PNPLA7: variants seen among roughly 807,000 people sequenced by gnomAD.
The protein encoded by PNPLA7 is patatin-like phospholipase domain-containing protein 7.
In PNPLA7, 153 loss-of-function variants were observed where a neutral mutation model predicts 161.7. That is an observed-to-expected ratio of 0.95 (90% CI 0.83 to 1.08). The LOEUF is 1.08. Ranked by LOEUF, PNPLA7 falls within the 50% of genes least tolerant of loss-of-function variation. PNPLA7 has a pLI of 0.00. For missense variants in PNPLA7, 1,739 were observed against 1,856.6 expected (o/e 0.94, Z 1.16); for synonymous variants, 809 against 782.1 (o/e 1.03, Z -0.57).
intron 14 of PNPLA7, among the ~76,000 whole-genome samples, chr9:137,502,161 C>T (rs144743066): frequency 2.8e-4 from 43 of 152,236 alleles, no homozygotes; most frequent in Middle Eastern, 3.4e-3. Flanking sequence ...AGAGGTGACC[C>T]GGGAGTGCCC....
rs1833441163 is a variant in PNPLA7, at chr9:137,501,817, A to G, written c.1474-90T>C. 17 of 1,345,456 alleles carry G rather than the reference A, an allele frequency of 1.3e-5. No individual in the cohort carries two copies. The South Asian group carries it at 1.9e-4, about 15-fold the overall frequency. The allele number at this position is 1,345,456 out of a possible 1,614,324, so 83.3% of individuals were successfully genotyped here. A position where few individuals can be genotyped will look rare whatever the true frequency, so the allele number is the denominator to read the frequency against. ...GGCTGCACTGGGCTGTTCAGGGGCA[A>G]CGAGCGGTGAGGCCAGAGGCCGGGC... On this transcript the variant is annotated intron_variant, in intron 14 of 34. Transcript: ENST00000406427.
At position 137,486,230 on chromosome 9, in the gene PNPLA7, G is replaced by T. The variant is rs1185455734; in HGVS notation, c.2198-1494C>A. On this transcript the variant is annotated intron_variant, in intron 20 of 34. Transcript: ENST00000406427. The surrounding 1 kb of genome is among the most constrained non-coding windows in gnomAD (Gnocchi z 6.0). ...GAAGAGGCCAGGAGAGCAAGCCTGG[G>T]GACACAGAACCAAGTGAGGGCTTAA... Among the ~76,000 whole-genome samples the T allele has an allele frequency of 3.3e-5, 5 of 152,032 alleles. No homozygotes were observed. Among genetic ancestry groups the T allele is most frequent in the Non-Finnish European group, 7.4e-5 (5 of 68,022 alleles).
rs929135298 is a variant in PNPLA7, at chr9:137,524,544, C to A, written c.748-1687G>T. Among the ~76,000 whole-genome samples the A allele has an allele frequency of 1.3e-5, 2 of 152,242 alleles. No individual in the cohort carries two copies. The highest frequency in any genetic ancestry group is 1.3e-4 in the Admixed American group (2 of 15,288). ...ATAAATATGCATCTCCCAGTGTTTG[C>A]GTGGACACAGTTCTCATCCCTCTTG... On this transcript the variant is annotated intron_variant, in intron 8 of 34. Coordinates refer to ENST00000406427, the MANE Select transcript of PNPLA7 (RefSeq NM_001098537.3). The surrounding 1 kb of genome is among the most constrained non-coding windows in gnomAD (Gnocchi z 4.4).
chr9:137,522,113 C>T (rs923835952), intron 9 of PNPLA7, among the ~76,000 whole-genome samples: 18 of 152,250 alleles, frequency 1.2e-4, no homozygotes, highest in Middle Eastern at 3.4e-3. Flanking sequence ...CTCGCTATGC[C>T]GCCCAGGCTG....
chr9:137,507,299 G>T (rs967078822), intron 12 of PNPLA7, among the ~76,000 whole-genome samples: 2 of 152,254 alleles, frequency 1.3e-5, no homozygotes, highest in African/African-American at 4.8e-5. Flanking sequence ...TGGGCGAGAG[G>T]AGCGCAGCAG....
Position 137,543,415 on chromosome 9 carries a change from C to T in PNPLA7, c.506+17G>A. 1 of 1,613,880 alleles carries T rather than the reference C, an allele frequency of 6.2e-7. No homozygotes were observed. On this transcript the variant is annotated intron_variant, in intron 6 of 34. Coordinates refer to ENST00000406427, the MANE Select transcript of PNPLA7 (RefSeq NM_001098537.3). The surrounding 1 kb of genome is among the most constrained non-coding windows in gnomAD (Gnocchi z 6.9). ...ATGGGAGCTGCCGCAGCCCCCGGGG[C>T]TCATCCCCGCTCTTACCGAACGTTT...
At position 137,541,449 on chromosome 9, in the gene PNPLA7, T is replaced by C. The variant is rs1049790998; in HGVS notation, c.667-727A>G. ...CCAAATAATTTGCCCAGCAGCGCTT[T>C]TGGTCTAGAAACCCCGACAGGCAGT... is the stretch of plus-strand genomic sequence containing the variant. On this transcript the variant is annotated intron_variant, in intron 7 of 34. Coordinates refer to ENST00000406427, the MANE Select transcript of PNPLA7 (RefSeq NM_001098537.3). This position sits in a 1 kb window ranked among gnomAD's most constrained non-coding sequence, Gnocchi z 4.4. The C allele has an allele frequency of 2.0e-5, 20 of 985,446 alleles. No individual in the cohort carries two copies. Among genetic ancestry groups the C allele is most frequent in the Non-Finnish European group, 2.4e-5 (20 of 829,942 alleles). The allele number at this position is 985,446 out of a possible 1,614,324, so 61.0% of individuals were successfully genotyped here. A position where few individuals can be genotyped will look rare whatever the true frequency, so the allele number is the denominator to read the frequency against.
Position 137,532,961 on chromosome 9 carries a change from C to G in PNPLA7, c.747+7681G>C, listed in dbSNP as rs1835656424. The stretch of plus-strand genomic sequence containing the variant: ...CAGACGGGAACACTCCCAGAATCCT[C>G]AACAACAGTGTCCACTCCAGACGGG... On this transcript the variant is annotated intron_variant, in intron 8 of 34. Transcript: ENST00000406427. 2.0e-5 allele frequency among the ~76,000 whole-genome samples: 3 copies of G among 152,146 alleles called. No homozygotes were observed. In the South Asian group the frequency reaches 6.2e-4, roughly 32 times the overall value.
At chr9:137,505,888 CAT>C (rs1833891486) in intron 13 of PNPLA7, 93 bp downstream of exon 13, 7 of 1,528,414 alleles carry the variant, frequency 4.6e-6, no homozygotes, top group Non-Finnish European at 6.3e-6. Context: ...GCAGGTGCCA[CAT>C]GACACCAAAG....
At chr9:137,461,393 C>G (rs1420701160) in intron 33 of PNPLA7, 143 bp downstream of exon 33, 3 of 919,922 alleles carry the variant, frequency 3.3e-6, no homozygotes, top group Non-Finnish European at 3.2e-6. Context: ...AGGAGTGCCA[C>G]CAAGCACCCC....
Position 137,460,079 on chromosome 9 carries a change from A to T in PNPLA7, c.*314T>A. On this transcript the variant is annotated 3_prime_UTR_variant, in exon 35 of 35. Transcript: ENST00000406427. ...GGCTTTGGGGGCCTCACAGGGCAGC[A>T]GGTGGTTCACAGGGCTTCGGGGGGC... 1 of 315,726 alleles carries T rather than the reference A, an allele frequency of 3.2e-6. No individual in the cohort carries two copies. The highest frequency in any genetic ancestry group is 6.2e-6 in the Non-Finnish European group (1 of 162,038). The allele number at this position is 315,726 out of a possible 1,614,324, so 19.6% of individuals were successfully genotyped here. A position where few individuals can be genotyped will look rare whatever the true frequency, so the allele number is the denominator to read the frequency against.
chr9:137,492,957 GC>G, intron 20 of PNPLA7, 55 bp downstream of exon 20: 5 of 1,383,622 alleles, frequency 3.6e-6, no homozygotes, highest in African/African-American at 1.5e-5. Flanking sequence ...GGTGGGCGGG[GC>G]TCCAGGACTG....
chr9:137,543,317 T>G lies in PNPLA7; in HGVS notation c.506+115A>C. On this transcript the variant is annotated intron_variant, in intron 6 of 34. Transcript: ENST00000406427. The surrounding 1 kb of genome is among the most constrained non-coding windows in gnomAD (Gnocchi z 6.9). ...GGCACAGACACCAGCAGCCCCACGA[T>G]GCGCTTTGCCAACCATTCCCCCAAC... 1 of 1,343,430 alleles carries G rather than the reference T, an allele frequency of 7.4e-7. No individual in the cohort carries two copies. Among genetic ancestry groups the G allele is most frequent in the Non-Finnish European group, 1.0e-6 (1 of 957,194 alleles). The allele number at this position is 1,343,430 out of a possible 1,614,324, so 83.2% of individuals were successfully genotyped here.
chr9:137,533,582 T>A (rs1451877854), intron 8 of PNPLA7, among the ~76,000 whole-genome samples: 1 of 139,854 alleles, frequency 7.2e-6, no homozygotes, highest in East Asian at 2.2e-4. Context: ...GCGGGAGGAC[T>A]CCCAGAATCC....
Position 137,543,955 on chromosome 9 carries a change from T to TA in PNPLA7, c.274-141_274-140insT. 1 of 678,378 alleles carries TA rather than the reference T, an allele frequency of 1.5e-6. No homozygotes were observed. Among genetic ancestry groups the TA allele is most frequent in the Non-Finnish European group, 2.6e-6 (1 of 387,636 alleles). The allele number at this position is 678,378 out of a possible 1,614,324, so 42.0% of individuals were successfully genotyped here. A position where few individuals can be genotyped will look rare whatever the true frequency, so the allele number is the denominator to read the frequency against. ...CAGCTCCTGGGGTCTGGCTGTGCCA[T>TA]TTTCCCACCCTGCCTGGCCTGTGAG... On this transcript the variant is annotated intron_variant, in intron 4 of 34. Coordinates refer to ENST00000406427, the MANE Select transcript of PNPLA7 (RefSeq NM_001098537.3). This position sits in a 1 kb window ranked among gnomAD's most constrained non-coding sequence, Gnocchi z 6.9.
In PNPLA7 at chr9:137,467,335, C is replaced by T; in HGVS notation, c.3021G>A (p.Arg1007=). 6.2e-7 allele frequency: 1 copy of T among 1,613,488 alleles called. No individual in the cohort carries two copies. Among genetic ancestry groups the T allele is most frequent in the Non-Finnish European group, 8.5e-7 (1 of 1,179,902 alleles). ...EERNYSQMRI[R]AKQWAEGMTS... Reference sequence around the variant, plus strand: ...TGCTTACCTCGGCCCACTGCTTGGCCCGGATCCGCATCTGGCTGTAGTTCC... The same window carrying T: ...TGCTTACCTCGGCCCACTGCTTGGCTCGGATCCGCATCTGGCTGTAGTTCC... The change falls in exon 26 of 35, where the codon CGG becomes CGA. Residue 1007 remains arginine (R), a synonymous_variant. Transcript: ENST00000406427. The surrounding 1 kb of genome is among the most constrained non-coding windows in gnomAD (Gnocchi z 5.1).
At chr9:137,489,678 A>G (rs1832674804) in intron 20 of PNPLA7, among the ~76,000 whole-genome samples, 1 of 152,204 alleles carries the variant, frequency 6.6e-6, no homozygotes, top group East Asian at 1.9e-4. Context: ...AACAGGAGGC[A>G]CACAGAAGAA....
intron 25 of PNPLA7, among the ~76,000 whole-genome samples, chr9:137,469,637 A>G (rs560257874): frequency 1.3e-5 from 2 of 152,240 alleles, no homozygotes; most frequent in Non-Finnish European, 2.9e-5. Flanking sequence ...GCTCGTCTAA[A>G]TGTTAGGGAA....
intron 20 of PNPLA7, among the ~76,000 whole-genome samples, chr9:137,492,733 C>G (rs1406292561): frequency 2.6e-5 from 2 of 76,970 alleles, no homozygotes; most frequent in African/African-American, 1.1e-4. Context: ...CAGAACAGAG[C>G]AGGGCTATGG....
Sources: allele counts gnomAD v4.1 joint callset (sites outside exome capture counted in the v4.1 genomes callset), GRCh38; gene constraint gnomAD v4.1.1; non-coding constraint Gnocchi (gnomAD v3.1); transcripts MANE v1.5; gene names NCBI Gene and HGNC (gene_info 2026-07-23, HGNC 2026-07-21).